Variants in CECR2 observed in about 807,000 individuals in gnomAD.
The protein encoded by CECR2 is CECR2 histone acetyl-lysine reader.
CECR2 carries 30 observed loss-of-function variants against 154.5 expected under a neutral mutation model. The observed-to-expected ratio is 0.19, with a 90% confidence interval of 0.15 to 0.26. CECR2 has a LOEUF of 0.26. Ranked by LOEUF, CECR2 falls within the 10% of genes least tolerant of loss-of-function variation. CECR2 has a pLI of 1.00. For missense variants in CECR2, 1,743 were observed against 1,829.3 expected, an observed-to-expected ratio of 0.95 and a Z score of 0.86; for synonymous variants, 725 against 683.7, an observed-to-expected ratio of 1.06 and a Z score of -0.94.
At chr22:17,552,244 G>C in intron 18 of CECR2, 102 bp downstream of exon 18, 4 of 1,029,298 alleles carry the variant, frequency 3.9e-6, no homozygotes, top group Non-Finnish European at 5.8e-6. Context: ...AAGGTATCCT[G>C]TGGATACAGG....
intron 1 of CECR2, among the ~76,000 whole-genome samples, chr22:17,399,856 A>C (rs1486111672): frequency 1.3e-5 from 2 of 152,180 alleles, no homozygotes; most frequent in African/African-American, 4.8e-5. Context: ...TTAAGGGAAA[A>C]TTTGTCTAGA....
intron 1 of CECR2, among the ~76,000 whole-genome samples, chr22:17,403,252 G>A (rs145065765): frequency 3.3e-4 from 50 of 151,716 alleles, no homozygotes; most frequent in Non-Finnish European, 6.3e-4. Context: ...TTCTCCTTTA[G>A]ACATGTCCTC....
At chr22:17,540,890 A>G (rs2056513528) in intron 14 of CECR2, 90 bp downstream of exon 14, 1 of 1,330,926 alleles carries the variant, frequency 7.5e-7, no homozygotes, top group Admixed American at 2.8e-5. Flanking sequence ...TTCCTGCAAA[A>G]TACTTACGTG....
chr22:17,510,690 C>G (rs1016557640), intron 7 of CECR2, among the ~76,000 whole-genome samples: 3 of 152,192 alleles, frequency 2.0e-5, no homozygotes, highest in African/African-American at 7.2e-5. Context: ...CAAGCTCCGC[C>G]TGCCAGGTTC....
At chr22:17,511,174 C>G (rs1465264487) in intron 7 of CECR2, among the ~76,000 whole-genome samples, 3 of 152,208 alleles carry the variant, frequency 2.0e-5, no homozygotes, top group Non-Finnish European at 4.4e-5. Context: ...TCATTCCTCA[C>G]AAATTGCAAA....
At chr22:17,395,216 C>T (rs1000589456) in intron 1 of CECR2, among the ~76,000 whole-genome samples, 5 of 151,988 alleles carry the variant, frequency 3.3e-5, no homozygotes, top group East Asian at 3.9e-4. Flanking sequence ...TTGGCAGAGA[C>T]GAGGTCTCAC....
Position 17,542,279 on chromosome 22 carries a change from G to T in CECR2, c.2136G>T (p.Gly712=), listed in dbSNP as rs1215092030. 6.2e-7 allele frequency: 1 copy of T among 1,611,226 alleles called. No homozygotes were observed. Among genetic ancestry groups the T allele is most frequent in the Non-Finnish European group, 8.5e-7 (1 of 1,178,688 alleles). The change falls in exon 16 of 19, where the codon GGG becomes GGT. Residue 712 remains glycine, a synonymous_variant. Coordinates refer to ENST00000262608, the MANE Select transcript of CECR2 (RefSeq NM_001290047.2). ...MGPHPGSLQL[G]QISGPSQDGS... is the part of the protein sequence containing the mutation. ...CACACCCTGGATCCTTGCAGCTTGG[G>T]CAGATAAGTGGCCCAAGTCAGGATG...
In CECR2 at chr22:17,391,250, A is replaced by C. The variant is rs1376474033; in HGVS notation, c.126+21341A>C. Among the ~76,000 whole-genome samples the C allele has an allele frequency of 2.6e-5, 4 of 152,238 alleles. No individual in the cohort carries two copies. In the East Asian group the frequency reaches 7.7e-4, roughly 29 times the overall value. ...CAGTTGTCCCCACAGTGTCTTTTAT[A>C]GATGTACCACACCTCCATCCTGGTT... On this transcript the variant is annotated intron_variant, in intron 1 of 18. Coordinates refer to ENST00000262608, the MANE Select transcript of CECR2 (RefSeq NM_001290047.2).
intron 5 of CECR2, 76 bp downstream of exon 5, chr22:17,500,811 T>C (rs2055724407): frequency 9.2e-7 from 1 of 1,091,080 alleles, no homozygotes; most frequent in Admixed American, 2.7e-5. Flanking sequence ...TTTTCTTTAT[T>C]TTGCCTGTGC....
intron 1 of CECR2, among the ~76,000 whole-genome samples, chr22:17,429,560 A>AAAG (rs2054389453): frequency 6.7e-6 from 1 of 150,174 alleles, no homozygotes; most frequent in African/African-American, 2.5e-5. Flanking sequence ...ACAAAAACAA[A>AAAG]GAAAAGAAAA....
intron 4 of CECR2, 84 bp from the exon 5 acceptor site, chr22:17,500,547 T>C (rs2055718590): frequency 9.8e-7 from 1 of 1,017,498 alleles, no homozygotes. Context: ...TTTGGTAATC[T>C]CATGGCCAGA....
chr22:17,501,342 C>T (rs960333312), intron 5 of CECR2, among the ~76,000 whole-genome samples: 2 of 152,130 alleles, frequency 1.3e-5, no homozygotes, highest in South Asian at 4.1e-4. Context: ...GAATATAGAT[C>T]ACTCAGGAGA....
chr22:17,475,452 CTGT>C (rs892891859), intron 1 of CECR2, among the ~76,000 whole-genome samples: 2 of 152,052 alleles, frequency 1.3e-5, no homozygotes, highest in African/African-American at 4.8e-5. Context: ...GTTTATCTTG[CTGT>C]TGTTGTTTTT....
intron 1 of CECR2, among the ~76,000 whole-genome samples, chr22:17,413,111 C>T (rs1322238846): frequency 2.0e-5 from 3 of 152,132 alleles, no homozygotes; most frequent in African/African-American, 7.2e-5. Flanking sequence ...TTTTGTCTTC[C>T]TGGAGTCAGT....
intron 2 of CECR2, among the ~76,000 whole-genome samples, chr22:17,483,673 A>C (rs2055369229): frequency 6.6e-6 from 1 of 152,242 alleles, no homozygotes; most frequent in African/African-American, 2.4e-5. Flanking sequence ...CAAAAAGTTA[A>C]AAGTTTGTGA....
At chr22:17,422,103 T>C (rs1283337740) in intron 1 of CECR2, among the ~76,000 whole-genome samples, 1 of 152,132 alleles carries the variant, frequency 6.6e-6, no homozygotes, top group Non-Finnish European at 1.5e-5. Context: ...GTGTTTTTTT[T>C]TCCCCCCTCT....
intron 8 of CECR2, among the ~76,000 whole-genome samples, chr22:17,517,422 G>C (rs2056079074): frequency 6.6e-6 from 1 of 152,178 alleles, no homozygotes. Flanking sequence ...AGCAGTGTGA[G>C]AACGGAGGAA....
rs889008331 is a variant in CECR2, at chr22:17,521,664, T to G, written c.955-2454T>G. 2.1e-4 allele frequency among the ~76,000 whole-genome samples: 32 copies of G among 152,340 alleles called. 1 individual carries two copies. Among genetic ancestry groups the G allele is most frequent in the African/African-American group, 5.8e-4 (24 of 41,576 alleles). On this transcript the variant is annotated intron_variant, in intron 8 of 18. Coordinates refer to ENST00000262608, the MANE Select transcript of CECR2 (RefSeq NM_001290047.2). Reference sequence around the variant, plus strand: ...TTCTGGATATCAGCCCTTTGTCAGATGAGTAGATTGTAAAAATTTTCTCCC... The same window carrying G: ...TTCTGGATATCAGCCCTTTGTCAGAGGAGTAGATTGTAAAAATTTTCTCCC...
At chr22:17,426,137 C>T (rs953820548) in intron 1 of CECR2, among the ~76,000 whole-genome samples, 4 of 152,104 alleles carry the variant, frequency 2.6e-5, no homozygotes, top group Non-Finnish European at 4.4e-5. Flanking sequence ...GACATCATAT[C>T]ATTTCATCCA....
Sources: gnomAD v4.1 joint callset for allele counts (sites outside exome capture counted in the v4.1 genomes callset) on GRCh38, gnomAD v4.1.1 for gene constraint, MANE v1.5 for transcripts, NCBI Gene and HGNC (gene_info 2026-07-23, HGNC 2026-07-21) for gene names.